The following MTUS1 variants were observed in gnomAD, a reference collection of about 807,000 sequenced individuals.
MTUS1 encodes microtubule associated scaffold protein 1.
MTUS1 carries 109 observed loss-of-function variants against 120.8 expected under a neutral mutation model. The ratio of observed to expected loss-of-function variants is 0.90; its 90% CI spans 0.77 to 1.06. The LOEUF (loss-of-function observed/expected upper bound fraction) is 1.06. MTUS1 is among the 50% of genes least tolerant of loss of function. The pLI is 0.00. For missense variants in MTUS1, 2,210 were observed against 1,486.3 expected, an observed-to-expected ratio of 1.49 and a Z score of -8.01; for synonymous variants, 737 against 550.5, an observed-to-expected ratio of 1.34 and a Z score of -4.74.
At chr8:17,668,651 C>T (rs1811404312) in intron 8 of MTUS1, among the ~76,000 whole-genome samples, 2 of 152,156 alleles carry the variant, frequency 1.3e-5, no homozygotes, top group South Asian at 4.1e-4. Flanking sequence ...ATGTGGATTT[C>T]ATTTTTTAAT....
At chr8:17,677,857 A>T (rs890543929) in intron 7 of MTUS1, among the ~76,000 whole-genome samples, 1 of 152,158 alleles carries the variant, frequency 6.6e-6, no homozygotes, top group African/African-American at 2.4e-5. Context: ...TACCCTTCTA[A>T]ATTGGTTGGT....
At chr8:17,756,488 G>A (rs180689387) in intron 1 of MTUS1, among the ~76,000 whole-genome samples, 24 of 151,904 alleles carry the variant, frequency 1.6e-4, no homozygotes, top group African/African-American at 5.6e-4. Flanking sequence ...AAGAACTCAC[G>A]TTTCTCCTTT....
rs763490343 is a variant in MTUS1, at chr8:17,713,216, G to C, written c.2621C>G (p.Ala874Gly). The C allele has an allele frequency of 1.9e-6, 3 of 1,595,944 alleles. No homozygotes were observed. Among genetic ancestry groups the C allele is most frequent in the South Asian group, 2.2e-5 (2 of 89,412 alleles). The change falls in exon 6 of 15, where the codon GCA becomes GGA. Residue 874 changes from alanine to glycine, a missense_variant and splice_region_variant. Transcript: ENST00000693296. ...SRKNLFTALN[A>G]VEKSRQKNPR... The stretch of plus-strand genomic sequence containing the variant: ...CCATCCATAAAGTGGTCACTCACCT[G>C]CATTAAGAGCTGTAAATAAATTTTT...
chr8:17,655,524 G>A (rs547603123), intron 9 of MTUS1, among the ~76,000 whole-genome samples: 33 of 152,222 alleles, frequency 2.2e-4, no homozygotes, highest in Admixed American at 4.6e-4. Flanking sequence ...GGGAGTTTGA[G>A]ACCAGCCTGG....
chr8:17,697,584 T>A (rs1428315421), intron 6 of MTUS1: 2 of 1,340,188 alleles, frequency 1.5e-6, no homozygotes, highest in African/African-American at 2.9e-5. Context: ...GTTTTCACTT[T>A]CAGATGTTGC....
rs752920075 is a variant in MTUS1 at position 17,753,974 on chromosome 8, G to C, written c.1834C>G (p.Gln612Glu). The change falls in exon 2 of 15, where the codon CAG becomes GAG. Residue 612 changes from glutamine (Q) to glutamate (E), a missense_variant. Transcript: ENST00000693296. ...GAACTGGCTTTGTCAACATCTTCCT[G>C]ATTCGATTTCACGGCAGATGTTGTT... is the stretch of plus-strand genomic sequence containing the variant. ...PRTTSAVKSN[Q>E]EDVDKASSSN... is the part of the protein sequence containing the mutation. 6.2e-6 allele frequency: 10 copies of C among 1,614,168 alleles called. No individual in the cohort carries two copies. The highest frequency in any genetic ancestry group is 8.5e-6 in the Non-Finnish European group (10 of 1,180,018).
chr8:17,747,238 T>C (rs540267766), intron 2 of MTUS1, among the ~76,000 whole-genome samples: 2 of 148,376 alleles, frequency 1.3e-5, no homozygotes, highest in East Asian at 4.1e-4. Flanking sequence ...CACACCTACC[T>C]AGAGTCCCCT....
At chr8:17,663,343 G>A (rs1810184093) in intron 8 of MTUS1, among the ~76,000 whole-genome samples, 1 of 152,174 alleles carries the variant, frequency 6.6e-6, no homozygotes, top group Admixed American at 6.5e-5. Context: ...TGTTTACAGA[G>A]AAAAGCATTA....
intron 4 of MTUS1, 77 bp from the exon 5 acceptor site, chr8:17,715,978 T>C: frequency 7.2e-7 from 1 of 1,395,614 alleles, no homozygotes; most frequent in Non-Finnish European, 9.8e-7. Context: ...TCCTTTGTCC[T>C]TGAACCAACA....
At chr8:17,693,660 C>T (rs900071255) in intron 6 of MTUS1, among the ~76,000 whole-genome samples, 5 of 152,166 alleles carry the variant, frequency 3.3e-5, no homozygotes, top group Admixed American at 6.5e-5. Flanking sequence ...TTCCTGAGGA[C>T]CCAACTTAAA....
intron 1 of MTUS1, among the ~76,000 whole-genome samples, chr8:17,756,902 C>G (rs906456153): frequency 6.6e-6 from 1 of 152,132 alleles, no homozygotes; most frequent in Non-Finnish European, 1.5e-5. Context: ...TGAAAAGAAC[C>G]TTAATCTTCA....
chr8:17,662,325 A>T (rs1809921352), intron 8 of MTUS1, among the ~76,000 whole-genome samples: 1 of 151,532 alleles, frequency 6.6e-6, no homozygotes, highest in African/African-American at 2.4e-5. Context: ...ACAAACACAA[A>T]GTCAAAGTAG....
intron 3 of MTUS1, among the ~76,000 whole-genome samples, chr8:17,738,269 G>A (rs2047068668): frequency 6.6e-6 from 1 of 152,126 alleles, no homozygotes; most frequent in Non-Finnish European, 1.5e-5. Context: ...CATTCTTTGT[G>A]CCGCTTTGTG....
intron 8 of MTUS1, among the ~76,000 whole-genome samples, chr8:17,665,081 G>A (rs78591213): frequency 6.6e-6 from 1 of 152,194 alleles, no homozygotes. Flanking sequence ...TTTGTAGAAA[G>A]TCTTCCCAGC....
chr8:17,754,056 A>C lies in MTUS1; in HGVS notation c.1752T>G (p.Thr584=). 6.2e-7 allele frequency: 1 copy of C among 1,614,138 alleles called. No homozygotes were observed. Among genetic ancestry groups the C allele is most frequent in the Non-Finnish European group, 8.5e-7 (1 of 1,180,010 alleles). The change falls in exon 2 of 15, where the codon ACT becomes ACG. Residue 584 remains threonine, a synonymous_variant. Coordinates refer to ENST00000693296, the MANE Select transcript of MTUS1 (RefSeq NM_001363059.2). The part of the protein sequence containing the change: ...THKQQFNKLI[T]SQAVHVTTHS... ...GAGTTGTAACATGCACAGCCTGGCTAGTAATGAGTTTATTAAACTGCTGCT... is the reference window on the plus strand; with the variant it reads ...GAGTTGTAACATGCACAGCCTGGCTCGTAATGAGTTTATTAAACTGCTGCT...
intron 2 of MTUS1, among the ~76,000 whole-genome samples, chr8:17,749,251 A>T (rs944113216): frequency 6.6e-6 from 1 of 152,134 alleles, no homozygotes; most frequent in Middle Eastern, 3.2e-3. Flanking sequence ...GAAGCCGGCT[A>T]CCTGAAGGTT....
At chr8:17,679,376 T>C (rs1813821027) in intron 7 of MTUS1, among the ~76,000 whole-genome samples, 2 of 151,624 alleles carry the variant, frequency 1.3e-5, no homozygotes, top group African/African-American at 2.4e-5. Context: ...TGTGTGTGTG[T>C]GTATAAACAC....
At chr8:17,753,591 A>T (rs1321084386) in intron 2 of MTUS1, 126 bp downstream of exon 2, 1 of 640,518 alleles carries the variant, frequency 1.6e-6, no homozygotes, top group African/African-American at 1.8e-5. Context: ...ATGAATTAAC[A>T]ACTAAATGTA....
intron 3 of MTUS1, among the ~76,000 whole-genome samples, chr8:17,726,060 T>C (rs1212976800): frequency 3.3e-5 from 5 of 152,146 alleles, no homozygotes; most frequent in Admixed American, 3.3e-4. Context: ...TTCGCTCTAT[T>C]CTTCTGCTTA....
Sources: gnomAD v4.1 joint callset for allele counts (sites outside exome capture counted in the v4.1 genomes callset) on GRCh38, gnomAD v4.1.1 for gene constraint, MANE v1.5 for transcripts, NCBI Gene and HGNC (gene_info 2026-07-23, HGNC 2026-07-21) for gene names.